BRI3BP: variants seen among roughly 807,000 people sequenced by gnomAD.
BRI3BP encodes the protein BRI3-binding protein.
BRI3BP carries 7 observed loss-of-function variants against 15.8 expected under a neutral mutation model. The observed-to-expected ratio is 0.44, with a 90% confidence interval of 0.25 to 0.83. The LOEUF is 0.83. BRI3BP is among the 40% of genes least tolerant of loss of function. The probability of loss-of-function intolerance (pLI) is 0.20; values close to 1 mark genes in which losing one functional copy is unlikely to be tolerated. For synonymous variants in BRI3BP, 192 were observed against 163.5 expected, an observed-to-expected ratio of 1.17 and a Z score of -1.33; for missense variants, 320 against 339.3, an observed-to-expected ratio of 0.94 and a Z score of 0.45.
At chr12:124,999,092 AC>A (rs1444677213) in intron 1 of BRI3BP, among the ~76,000 whole-genome samples, 2 of 152,190 alleles carry the variant, frequency 1.3e-5, no homozygotes, top group East Asian at 3.8e-4. Context: ...AAAAAAACAA[AC>A]AAATGAAAAA....
chr12:125,045,619 G>GC, the BRI3BP span, among the ~76,000 whole-genome samples: 1 of 152,068 alleles, frequency 6.6e-6, no homozygotes, highest in Non-Finnish European at 1.5e-5. Flanking sequence ...GGCGTGAACC[G>GC]CCCCGCCTGG....
intron 2 of BRI3BP, among the ~76,000 whole-genome samples, chr12:125,018,291 G>A (rs575939755): frequency 3.9e-5 from 6 of 152,194 alleles, no homozygotes; most frequent in Non-Finnish European, 7.4e-5. Context: ...GTGTGTCCCC[G>A]TATTCATCTG....
intron 2 of BRI3BP, among the ~76,000 whole-genome samples, chr12:125,019,650 T>TGC (rs1565906097): frequency 6.0e-5 from 2 of 33,248 alleles, no homozygotes; most frequent in Non-Finnish European, 8.6e-5. Flanking sequence ...TTTTTTTTTT[T>TGC]TTTTTTTGCC....
At chr12:125,004,512 A>G (rs1185462094) in intron 1 of BRI3BP, among the ~76,000 whole-genome samples, 3 of 152,212 alleles carry the variant, frequency 2.0e-5, no homozygotes, top group Non-Finnish European at 4.4e-5. Context: ...TCTTTTTATA[A>G]GTAGAGTTTA....
chr12:125,026,949 CTT>C lies in BRI3BP; in HGVS notation c.*1520_*1521del, dbSNP rs1358846696. The C allele has an allele frequency of 7.3e-6, 1 of 137,772 alleles. No homozygotes were observed. Among genetic ancestry groups the C allele is most frequent in the Non-Finnish European group, 1.6e-5 (1 of 63,806 alleles). The allele number at this position is 137,772 out of a possible 1,614,324, so 8.5% of individuals were successfully genotyped here. ...CCTAGGCAACAGAGCAAGACTTCAT[CTT>C]AAAAAAAAAAAAAAAAGCCCAGCAT... On this transcript the variant is annotated 3_prime_UTR_variant, in exon 3 of 3. Coordinates refer to ENST00000341446, the MANE Select transcript of BRI3BP (RefSeq NM_080626.6).
chr12:125,041,216 G>T, the BRI3BP span, among the ~76,000 whole-genome samples: 1 of 149,816 alleles, frequency 6.7e-6, no homozygotes, highest in Non-Finnish European at 1.5e-5. Context: ...TGGCTAATTT[G>T]TGTGTGTGTG....
At chr12:125,014,751 T>C (rs775965980) in intron 2 of BRI3BP, among the ~76,000 whole-genome samples, 16 of 152,206 alleles carry the variant, frequency 1.1e-4, no homozygotes, top group Non-Finnish European at 2.1e-4. Context: ...GCCCCAGCTC[T>C]GCACCTGGCA....
At chr12:125,044,350 C>T in the BRI3BP span, among the ~76,000 whole-genome samples, 1 of 152,008 alleles carries the variant, frequency 6.6e-6, no homozygotes, top group Non-Finnish European at 1.5e-5. Context: ...GGGGTTTCAC[C>T]ATGTTGGTCA....
Position 125,025,301 on chromosome 12 carries a change from C to T in BRI3BP, c.627C>T (p.Pro209=), listed in dbSNP as rs753431728. The T allele has an allele frequency of 1.2e-6, 2 of 1,613,918 alleles. No homozygotes were observed. The highest frequency in any genetic ancestry group is 2.2e-5 in the East Asian group (1 of 44,890). Residue 209 remains proline (P), a synonymous_variant, in exon 3 of 3, where the codon CCC becomes CCT. Transcript: ENST00000341446. ...TGGGCTTCTACTGGCGAAGCAGTCCCAGCGGCCCCAGCAACCCCAGCAACC... is the reference window on the plus strand; with the variant it reads ...TGGGCTTCTACTGGCGAAGCAGTCCTAGCGGCCCCAGCAACCCCAGCAACC... ...GPMGFYWRSS[P]SGPSNPSNPS...
intron 1 of BRI3BP, 109 bp downstream of exon 1, chr12:124,994,112 C>G: frequency 1.3e-6 from 1 of 777,622 alleles, no homozygotes; most frequent in Non-Finnish European, 1.6e-6. Flanking sequence ...GCCCGGCCAG[C>G]GCGCGGGAAG....
chr12:125,041,214 T>TTG, the BRI3BP span, among the ~76,000 whole-genome samples: 101 of 150,378 alleles, frequency 6.7e-4, no homozygotes, highest in East Asian at 2.5e-3. Flanking sequence ...CCTGGCTAAT[T>TTG]TGTGTGTGTG....
Position 125,030,455 on chromosome 12 carries a change from G to GTGA in BRI3BP, c.*5028_*5030dup, listed in dbSNP as rs1220003463. ...AAATTCATACTGGACAACCATCAGT[G>GTGA]TGATGTATAGTATCTGGTGTAAACA... On this transcript the variant is annotated 3_prime_UTR_variant, in exon 3 of 3. Transcript: ENST00000341446. 9.9e-5 allele frequency: 15 copies of GTGA among 151,998 alleles called. 1 individual carries two copies. Among genetic ancestry groups the GTGA allele is most frequent in the Non-Finnish European group, 8.8e-5 (6 of 67,978 alleles). 9.4% of individuals were successfully genotyped at this position (151,998 alleles called of 1,614,324 possible).
chr12:125,021,215 C>G (rs1474238102), intron 2 of BRI3BP, among the ~76,000 whole-genome samples: 1 of 152,162 alleles, frequency 6.6e-6, no homozygotes, highest in African/African-American at 2.4e-5. Context: ...GCCTTTAGTC[C>G]CAGAGATGGC....
the BRI3BP span, among the ~76,000 whole-genome samples, chr12:125,045,782 T>C: frequency 6.6e-6 from 1 of 152,222 alleles, no homozygotes; most frequent in Non-Finnish European, 1.5e-5. Context: ...TACATTTATT[T>C]TTCTGTATCA....
At chr12:125,039,433 A>C in the BRI3BP span, among the ~76,000 whole-genome samples, 1 of 152,160 alleles carries the variant, frequency 6.6e-6, no homozygotes, top group Non-Finnish European at 1.5e-5. Context: ...TGCCCTATGC[A>C]AAGAGGCTAT....
Position 125,025,013 on chromosome 12 carries a change from C to T in BRI3BP, c.339C>T (p.Phe113=), listed in dbSNP as rs1955337517. 6.2e-7 allele frequency: 1 copy of T among 1,613,014 alleles called. No individual in the cohort carries two copies. Among genetic ancestry groups the T allele is most frequent in the African/African-American group, 1.3e-5 (1 of 75,040 alleles). ...CAGTCTCCAACCTGTCCCAGTATTTCAGCCCAGCCTCGGTGTCCAGCAGCC... is the reference window on the plus strand; with the variant it reads ...CAGTCTCCAACCTGTCCCAGTATTTTAGCCCAGCCTCGGTGTCCAGCAGCC... The part of the protein sequence containing the change: ...GLDVSNLSQY[F]SPASVSSSPA... Residue 113 remains phenylalanine, a synonymous_variant, in exon 3 of 3, where the codon TTC becomes TTT. Coordinates refer to ENST00000341446, the MANE Select transcript of BRI3BP (RefSeq NM_080626.6).
chr12:125,031,651 A>G (rs928305739), downstream of BRI3BP, among the ~76,000 whole-genome samples: 6 of 127,566 alleles, frequency 4.7e-5, no homozygotes. Flanking sequence ...ATCTCAGCTC[A>G]CTGCTGCCTC....
At position 124,999,069 on chromosome 12, in the gene BRI3BP, C is replaced by T. The variant is rs945792390; in HGVS notation, c.213+5066C>T. On this transcript the variant is annotated intron_variant, in intron 1 of 2. Coordinates refer to ENST00000341446, the MANE Select transcript of BRI3BP (RefSeq NM_080626.6). ...CTCCAGCCTCAGGGACAGCACAAAA[C>T]TCTTTGTCTCCAAAAAAAACAAACA... Among the ~76,000 whole-genome samples the T allele has an allele frequency of 3.9e-5, 6 of 152,274 alleles. No homozygotes were observed. The South Asian group carries it at 8.3e-4, about 21-fold the overall frequency.
chr12:124,995,285 T>G (rs1335389844), intron 1 of BRI3BP, among the ~76,000 whole-genome samples: 1 of 152,186 alleles, frequency 6.6e-6, no homozygotes, highest in African/African-American at 2.4e-5. Context: ...CGCCTGAATG[T>G]GAAAAGGTTG....
Sources: allele counts gnomAD v4.1 joint callset (sites outside exome capture counted in the v4.1 genomes callset), GRCh38; gene constraint gnomAD v4.1.1; transcripts MANE v1.5; gene names NCBI Gene and HGNC (gene_info 2026-07-23, HGNC 2026-07-21).